The following ARHGEF11 variants were observed in gnomAD, a reference collection of about 807,000 sequenced individuals.
ARHGEF11 encodes the protein Rho guanine nucleotide exchange factor 11.
ARHGEF11 carries 55 observed loss-of-function variants against 193.7 expected under a neutral mutation model. The ratio of observed to expected loss-of-function variants is 0.28; its 90% CI spans 0.23 to 0.36. The LOEUF (loss-of-function observed/expected upper bound fraction) is 0.36, where lower values mean the gene tolerates loss of function less well. Among genes scored for constraint, ARHGEF11 ranks in the 10% least tolerant of loss-of-function variants. The pLI, the probability that ARHGEF11 is intolerant of heterozygous loss-of-function variation, is 1.00. For missense variants in ARHGEF11, 1,723 were observed against 2,005.6 expected (o/e 0.86, Z 2.69); for synonymous variants, 693 against 768.0 (o/e 0.90, Z 1.62).
chr1:156,979,648 G>A (rs1156503047), intron 4 of ARHGEF11, among the ~76,000 whole-genome samples: 1 of 152,180 alleles, frequency 6.6e-6, no homozygotes, highest in African/African-American at 2.4e-5. Flanking sequence ...ACAGGCGTGA[G>A]CCACTGCGCC....
chr1:157,000,362 T>C (rs1190305141), intron 1 of ARHGEF11, among the ~76,000 whole-genome samples: 1 of 152,214 alleles, frequency 6.6e-6, no homozygotes, highest in African/African-American at 2.4e-5. Context: ...TAAATATAAA[T>C]TCTCAAAAGA....
At chr1:156,991,952 G>A (rs904316480) in intron 1 of ARHGEF11, among the ~76,000 whole-genome samples, 6 of 151,472 alleles carry the variant, frequency 4.0e-5, no homozygotes, top group African/African-American at 9.7e-5. Context: ...TCCTGACCTC[G>A]TGATCCGCCC....
In ARHGEF11 at chr1:156,968,127, A is replaced by G. The variant is rs944520818; in HGVS notation, c.826-3T>C. ...ACCGAGTTCCGATTCATCAATGACT[A>G]GAGAAACAAAGAATTCTGTGAGAAG... On this transcript the variant is annotated splice_polypyrimidine_tract_variant and splice_region_variant and intron_variant, in intron 10 of 40. Coordinates refer to ENST00000368194, the MANE Select transcript of ARHGEF11 (RefSeq NM_198236.3). 3.7e-6 allele frequency: 6 copies of G among 1,600,970 alleles called. No individual in the cohort carries two copies. Among genetic ancestry groups the G allele is most frequent in the Non-Finnish European group, 5.1e-6 (6 of 1,171,102 alleles).
At chr1:156,986,566 G>A (rs3737601) in intron 1 of ARHGEF11, among the ~76,000 whole-genome samples, 33,724 of 152,046 alleles carry the variant, frequency 0.22, 3,949 homozygotes, top group East Asian at 0.36. Flanking sequence ...AAAAGACAGG[G>A]AAAAAACAAA....
chr1:157,031,784 G>T (rs1671342271), intron 1 of ARHGEF11, among the ~76,000 whole-genome samples: 1 of 152,164 alleles, frequency 6.6e-6, no homozygotes, highest in African/African-American at 2.4e-5. Flanking sequence ...AAGCCATAGT[G>T]GTGGTGTGGA....
intron 40 of ARHGEF11, chr1:156,936,322 T>C: frequency 1.6e-6 from 1 of 630,126 alleles, no homozygotes. Flanking sequence ...CCAGTGTGGT[T>C]CTGAATCATT....
rs533117619 is a variant in ARHGEF11, at chr1:156,971,700, T to A, written c.699A>T (p.Ser233=). Reference sequence around the variant, plus strand: ...GAGCTGTGCCTACATCACTCACCACTGAGCCACCAGTCTCCTGCTGGATCT... The same window carrying A: ...GAGCTGTGCCTACATCACTCACCACAGAGCCACCAGTCTCCTGCTGGATCT... ...QLKIQQETGG[S]VDILPLYGDT... is the part of the protein sequence containing the mutation. Residue 233 remains serine, a synonymous_variant, in exon 8 of 41, where the codon TCA becomes TCT. Coordinates refer to ENST00000368194, the MANE Select transcript of ARHGEF11 (RefSeq NM_198236.3). 5.6e-6 allele frequency: 9 copies of A among 1,613,780 alleles called. No homozygotes were observed. The African/African-American group carries it at 1.2e-4, about 22-fold the overall frequency.
chr1:156,953,277 T>C (rs1659390831), intron 21 of ARHGEF11, among the ~76,000 whole-genome samples: 1 of 152,178 alleles, frequency 6.6e-6, no homozygotes, highest in African/African-American at 2.4e-5. Context: ...ACCCTCTCTC[T>C]ACAAAAAATA....
At chr1:156,960,505 T>A in intron 14 of ARHGEF11, 45 bp from the exon 15 acceptor site, 1 of 1,596,470 alleles carries the variant, frequency 6.3e-7, no homozygotes, top group East Asian at 2.2e-5. Context: ...GTCTGCACAC[T>A]CCAGGGAGAT....
At chr1:156,937,543 C>T (rs1042665505) in intron 38 of ARHGEF11, 47 bp from the exon 39 acceptor site, 19 of 1,495,886 alleles carry the variant, frequency 1.3e-5, no homozygotes, top group East Asian at 7.2e-5. Context: ...ACAGAGAAGT[C>T]GAAGCTATCC....
rs1661261646 is a variant in ARHGEF11 at position 156,963,506 on chromosome 1, T to C, written c.1038+14A>G. On this transcript the variant is annotated intron_variant, in intron 12 of 40. Transcript: ENST00000368194. ...AAAAAAAATGATGAAAGGAGAAAAC[T>C]AGGAAACCGTTACCTCGTTGTTGAA... is the stretch of plus-strand genomic sequence containing the variant. The C allele has an allele frequency of 2.5e-6, 4 of 1,609,934 alleles. No homozygotes were observed. Among genetic ancestry groups the C allele is most frequent in the South Asian group, 2.2e-5 (2 of 90,464 alleles).
intron 1 of ARHGEF11, among the ~76,000 whole-genome samples, chr1:157,034,271 T>C (rs571533739): frequency 7.2e-5 from 11 of 152,192 alleles, no homozygotes; most frequent in Non-Finnish European, 1.3e-4. Flanking sequence ...AGCAGTCTCT[T>C]GGGGGGAAGT....
intron 29 of ARHGEF11, 31 bp downstream of exon 29, chr1:156,946,014 C>T (rs3818808): frequency 6.4e-7 from 1 of 1,570,096 alleles, no homozygotes; most frequent in South Asian, 1.1e-5. Flanking sequence ...AGGCCCACTG[C>T]CTGTGATGCC....
rs777331702 is a variant in ARHGEF11 at position 156,956,599 on chromosome 1, C to T, written c.1527-35G>A. 6 of 1,612,156 alleles carry T rather than the reference C, an allele frequency of 3.7e-6. No individual in the cohort carries two copies. The South Asian group carries it at 6.6e-5, about 18-fold the overall frequency. ...AGGAACAGTGTCCTGAATCAGAGAG[C>T]TCAAGTTATCTTCCCTGTGCCAAAC... On this transcript the variant is annotated intron_variant, in intron 18 of 40. Transcript: ENST00000368194.
intron 36 of ARHGEF11, 44 bp downstream of exon 36, chr1:156,940,163 C>T (rs201198340): frequency 1.8e-5 from 27 of 1,527,292 alleles, no homozygotes; most frequent in East Asian, 1.4e-4. Flanking sequence ...ACTGGGTGTG[C>T]GACTGGGGAC....
At chr1:156,963,818 C>G (rs1661323087) in intron 11 of ARHGEF11, 2 of 1,357,762 alleles carry the variant, frequency 1.5e-6, no homozygotes, top group Admixed American at 6.8e-5. Context: ...TTCAGAGCAG[C>G]CTGGTCACAT....
chr1:156,980,778 G>A (rs1460592719), intron 3 of ARHGEF11, among the ~76,000 whole-genome samples: 3 of 126,946 alleles, frequency 2.4e-5, no homozygotes, highest in Non-Finnish European at 3.1e-5. Flanking sequence ...GGAAGAGCAC[G>A]TGTGCTTCAT....
chr1:156,988,364 T>C (rs1362991490), intron 1 of ARHGEF11, among the ~76,000 whole-genome samples: 2 of 152,222 alleles, frequency 1.3e-5, no homozygotes, highest in Admixed American at 6.5e-5. Flanking sequence ...TCTCTGCCTA[T>C]ACTGTTCCTT....
intron 1 of ARHGEF11, among the ~76,000 whole-genome samples, chr1:156,996,744 T>A (rs1293550018): frequency 1.7e-5 from 2 of 115,508 alleles, no homozygotes; most frequent in African/African-American, 3.5e-5. Flanking sequence ...CTGCACTCCA[T>A]CCTGGGCGAC....
Sources: allele counts gnomAD v4.1 joint callset (sites outside exome capture counted in the v4.1 genomes callset), GRCh38; gene constraint gnomAD v4.1.1; transcripts MANE v1.5; gene names NCBI Gene and HGNC (gene_info 2026-07-23, HGNC 2026-07-21).